Variants in ACTR3C observed in about 807,000 individuals in gnomAD.
ACTR3C encodes the protein actin-related protein 3C.
ACTR3C carries 18 observed loss-of-function variants against 26.3 expected under a neutral mutation model. That is an observed-to-expected ratio of 0.68 (90% CI 0.47 to 1.01). ACTR3C has a LOEUF of 1.01. Ranked by LOEUF, ACTR3C falls within the 50% of genes least tolerant of loss-of-function variation. ACTR3C has a pLI of 0.00. For missense variants in ACTR3C, 184 were observed against 250.7 expected (o/e 0.73, Z 1.80); for synonymous variants, 55 against 94.5 (o/e 0.58, Z 2.42).
chr7:150,135,754 G>A, the ACTR3C span, among the ~76,000 whole-genome samples: 274 of 147,734 alleles, frequency 1.9e-3, no homozygotes, highest in African/African-American at 6.7e-3. Flanking sequence ...ATTAACCAAA[G>A]TCTGAACTCT....
chr7:149,925,222 C>A, the ACTR3C span, among the ~76,000 whole-genome samples: 2 of 151,986 alleles, frequency 1.3e-5, no homozygotes, highest in African/African-American at 4.8e-5. Flanking sequence ...TAGAATTGAA[C>A]TAATGGAGAG....
chr7:150,094,907 TCTCTC>T, the ACTR3C span, among the ~76,000 whole-genome samples: 1 of 148,522 alleles, frequency 6.7e-6, no homozygotes, highest in Non-Finnish European at 1.5e-5. Context: ...CCTACCCACT[TCTCTC>T]CTCCCATTCC....
At chr7:150,132,459 G>T in the ACTR3C span, among the ~76,000 whole-genome samples, 1 of 152,072 alleles carries the variant, frequency 6.6e-6, no homozygotes, top group African/African-American at 2.4e-5. Flanking sequence ...GAACAGACAC[G>T]TCTCAAAAGA....
chr7:150,168,638 A>T, the ACTR3C span, among the ~76,000 whole-genome samples: 1 of 150,788 alleles, frequency 6.6e-6, no homozygotes, highest in Non-Finnish European at 1.5e-5. Flanking sequence ...TCTTCAATAA[A>T]ACCAGTCCCT....
chr7:149,994,982 G>A, the ACTR3C span, among the ~76,000 whole-genome samples: 1 of 151,382 alleles, frequency 6.6e-6, no homozygotes, highest in South Asian at 2.1e-4. Context: ...AGCCTCCCGA[G>A]TAGCTGGGAT....
the ACTR3C span, among the ~76,000 whole-genome samples, chr7:149,923,214 C>T: frequency 2.0e-5 from 3 of 150,728 alleles, no homozygotes; most frequent in South Asian, 2.1e-4. Context: ...TGTTTAAATA[C>T]ATATATATGT....
At chr7:150,063,832 G>A in the ACTR3C span, among the ~76,000 whole-genome samples, 2 of 152,178 alleles carry the variant, frequency 1.3e-5, no homozygotes, top group Non-Finnish European at 1.5e-5. Context: ...CTGGAACATG[G>A]ATTATGGATG....
chr7:150,122,203 T>C, the ACTR3C span, among the ~76,000 whole-genome samples: 2 of 152,018 alleles, frequency 1.3e-5, no homozygotes, highest in African/African-American at 4.8e-5. Flanking sequence ...CAAAAGCAAT[T>C]GCAACAAAAG....
chr7:149,949,395 GA>G, the ACTR3C span, among the ~76,000 whole-genome samples: 31 of 31,396 alleles, frequency 9.9e-4, no homozygotes, highest in Non-Finnish European at 7.0e-5. Flanking sequence ...AGGAAGGAGG[GA>G]AGGAAGGAAG....
chr7:149,938,030 C>T, the ACTR3C span, among the ~76,000 whole-genome samples: 4 of 152,156 alleles, frequency 2.6e-5, no homozygotes, highest in Non-Finnish European at 5.9e-5. Context: ...CCAGCCTCCT[C>T]CTCCCGACCC....
chr7:150,004,251 T>C, the ACTR3C span, among the ~76,000 whole-genome samples: 1 of 150,736 alleles, frequency 6.6e-6, no homozygotes, highest in East Asian at 2.0e-4. Flanking sequence ...TATTATGTGA[T>C]ATGTGTGTGT....
At chr7:150,162,660 T>C in the ACTR3C span, among the ~76,000 whole-genome samples, 3 of 152,342 alleles carry the variant, frequency 2.0e-5, no homozygotes, top group East Asian at 5.8e-4. Context: ...TGCACCATCC[T>C]AATATTTTTC....
the ACTR3C span, among the ~76,000 whole-genome samples, chr7:150,089,960 C>T: frequency 6.6e-6 from 1 of 152,304 alleles, no homozygotes; most frequent in African/African-American, 2.4e-5. Flanking sequence ...GTCAAGCTCT[C>T]TTCATTCATC....
the ACTR3C span, among the ~76,000 whole-genome samples, chr7:150,148,423 G>A: frequency 6.6e-6 from 1 of 152,112 alleles, no homozygotes; most frequent in East Asian, 1.9e-4. Context: ...GTTGCAGTGA[G>A]CTGGGATCAC....
intron 6 of ACTR3C, among the ~76,000 whole-genome samples, chr7:150,273,133 C>CG (rs199941482): frequency 0.024 from 3,610 of 149,210 alleles, 175 homozygotes; most frequent in African/African-American, 0.088. Flanking sequence ...GATTATCCCA[C>CG]ACAACAGTCT....
the ACTR3C span, among the ~76,000 whole-genome samples, chr7:150,003,610 GGT>G: frequency 1.7e-4 from 26 of 151,536 alleles, no homozygotes; most frequent in Admixed American, 8.5e-4. Context: ...TATGTTATCT[GGT>G]GTGTGTGTGT....
the ACTR3C span, among the ~76,000 whole-genome samples, chr7:150,114,376 C>G: frequency 6.6e-6 from 1 of 151,798 alleles, no homozygotes; most frequent in Non-Finnish European, 1.5e-5. Context: ...AAGATCTAAG[C>G]AAATACCTCG....
intron 3 of ACTR3C, among the ~76,000 whole-genome samples, chr7:150,291,925 A>G (rs143222874): frequency 0.036 from 5,380 of 150,922 alleles, 147 homozygotes; most frequent in Non-Finnish European, 0.057. Flanking sequence ...GGAAGGACAC[A>G]TAGCCAGGAG....
chr7:150,152,847 T>C, the ACTR3C span, among the ~76,000 whole-genome samples: 1 of 152,180 alleles, frequency 6.6e-6, no homozygotes, highest in Non-Finnish European at 1.5e-5. Context: ...GAGAGTCAAC[T>C]TCTTCCTGGT....
Sources: gnomAD v4.1 joint callset for allele counts (sites outside exome capture counted in the v4.1 genomes callset) on GRCh38, gnomAD v4.1.1 for gene constraint, MANE v1.5 for transcripts, NCBI Gene and HGNC (gene_info 2026-07-23, HGNC 2026-07-21) for gene names.